The following DDX46 variants were observed in gnomAD, a reference collection of about 807,000 sequenced individuals.
DDX46 encodes the protein probable ATP-dependent RNA helicase DDX46.
A neutral mutation model predicts 134.9 loss-of-function variants in DDX46; 30 were observed. That is an observed-to-expected ratio of 0.22 (90% confidence interval 0.17 to 0.30). The LOEUF is 0.30. Ranked by LOEUF, DDX46 falls within the 10% of genes least tolerant of loss-of-function variation. DDX46 has a pLI of 1.00. For synonymous variants in DDX46, 415 were observed against 404.1 expected (o/e 1.03, Z -0.32); for missense variants, 622 against 1,248.7 (o/e 0.50, Z 7.56).
chr5:134,809,357 G>A (rs1755075170), intron 16 of DDX46, among the ~76,000 whole-genome samples: 1 of 152,074 alleles, frequency 6.6e-6, no homozygotes, highest in Admixed American at 6.6e-5. Context: ...TGGCTATTTA[G>A]ATATTTCTGT....
intron 16 of DDX46, among the ~76,000 whole-genome samples, chr5:134,808,379 C>T (rs1185929115): frequency 3.3e-5 from 5 of 152,160 alleles, no homozygotes; most frequent in Admixed American, 2.6e-4. Context: ...CATCATCTAA[C>T]ACAAAGCCTA....
chr5:134,781,574 G>A lies in DDX46; in HGVS notation c.879+328G>A, dbSNP rs79542716. 5.0e-4 allele frequency among the ~76,000 whole-genome samples: 76 copies of A among 152,132 alleles called. No individual in the cohort carries two copies. In the East Asian group the frequency reaches 0.01, roughly 20 times the overall value. On this transcript the variant is annotated intron_variant, in intron 7 of 22. Transcript: ENST00000452510. ...AAAGATTTATATAGTAAAAACAGTA[G>A]CAAAGCCTTATTAGAGCTGTCTCTG...
chr5:134,788,917 A>T lies in DDX46; in HGVS notation c.1543+326A>T, dbSNP rs779284244. On this transcript the variant is annotated intron_variant, in intron 12 of 22. Transcript: ENST00000452510. ...ATTAATGATATTTTTGCAATTTAAA[A>T]TTTTTTTTCAGAAGTAACTCCATCT... Among the ~76,000 whole-genome samples the T allele has an allele frequency of 8.2e-4, 125 of 152,056 alleles. 1 individual carries two copies. The highest frequency in any genetic ancestry group is 1.5e-3 in the Non-Finnish European group (104 of 67,994).
chr5:134,783,171 C>T (rs927780614), intron 9 of DDX46, 106 bp downstream of exon 9: 13 of 1,425,740 alleles, frequency 9.1e-6, no homozygotes, highest in Admixed American at 4.6e-5. Flanking sequence ...AAAACCCTTA[C>T]GTTTTAAAAA....
chr5:134,761,795 T>C (rs1020882341), intron 1 of DDX46, among the ~76,000 whole-genome samples: 2 of 152,196 alleles, frequency 1.3e-5, no homozygotes, highest in African/African-American at 4.8e-5. Context: ...TATCCAGATT[T>C]TGATATTTCT....
chr5:134,784,738 C>A, intron 10 of DDX46, 197 bp downstream of exon 10: 1 of 407,760 alleles, frequency 2.5e-6, no homozygotes, highest in Non-Finnish European at 4.1e-6. Context: ...GGAGTGACAT[C>A]TCAGAAGTAC....
intron 12 of DDX46, 73 bp downstream of exon 12, chr5:134,788,664 GA>G: frequency 7.6e-7 from 1 of 1,323,080 alleles, no homozygotes. Flanking sequence ...ACAGATGCAA[GA>G]AACCAACAAA....
At chr5:134,769,135 A>G (rs1263534876) in intron 3 of DDX46, among the ~76,000 whole-genome samples, 2 of 152,260 alleles carry the variant, frequency 1.3e-5, no homozygotes, top group African/African-American at 4.8e-5. Context: ...GTTATTACAT[A>G]TATAAATTAT....
At chr5:134,762,939 GTCCT>G (rs1389804290) in intron 1 of DDX46, among the ~76,000 whole-genome samples, 2 of 151,492 alleles carry the variant, frequency 1.3e-5, no homozygotes, top group African/African-American at 4.9e-5. Context: ...GACGCCTATA[GTCCT>G]AGCTACTCGG....
chr5:134,785,936 C>T (rs1475864925), intron 11 of DDX46, among the ~76,000 whole-genome samples: 1 of 151,818 alleles, frequency 6.6e-6, no homozygotes, highest in African/African-American at 2.4e-5. Flanking sequence ...GCAACCTCTG[C>T]CTCCCTGGTT....
chr5:134,784,495 A>G lies in DDX46; in HGVS notation c.1296A>G (p.Arg432=). ...TTGCTTTTCTGTTGCCCATGTTTAG[A>G]CACATCATGGATCAGAGGTCATTAG... ...KTIAFLLPMF[R]HIMDQRSLEE... is the part of the protein sequence containing the mutation. The change falls in exon 10 of 23, where the codon AGA becomes AGG. Residue 432 remains arginine, a synonymous_variant. Transcript: ENST00000452510. The G allele has an allele frequency of 6.2e-7, 1 of 1,614,070 alleles. No homozygotes were observed. The highest frequency in any genetic ancestry group is 8.5e-7 in the Non-Finnish European group (1 of 1,179,982).
At chr5:134,768,625 C>T (rs1003459315) in intron 3 of DDX46, among the ~76,000 whole-genome samples, 2 of 150,368 alleles carry the variant, frequency 1.3e-5, no homozygotes, top group Non-Finnish European at 2.9e-5. Context: ...CTTTAAAAAG[C>T]ACCAATTATA....
chr5:134,824,378 G>C (rs1260206374), intron 21 of DDX46, among the ~76,000 whole-genome samples: 1 of 152,138 alleles, frequency 6.6e-6, no homozygotes, highest in Non-Finnish European at 1.5e-5. Flanking sequence ...GGATCACAAG[G>C]TCAAGAGTTT....
rs141620987 is a variant in DDX46 at position 134,763,508 on chromosome 5, C to A, written c.18-396C>A. Among the ~76,000 whole-genome samples, 43 of 152,298 alleles carry A rather than the reference C, an allele frequency of 2.8e-4. No homozygotes were observed. The East Asian group carries it at 7.9e-3, about 28-fold the overall frequency. On this transcript the variant is annotated intron_variant, in intron 1 of 22. Transcript: ENST00000452510. The stretch of plus-strand genomic sequence containing the variant: ...ACTTGTGCCTTTTGCGTGGAAAATT[C>A]CCTGTATATCTACATGGCTCCTTTA...
intron 6 of DDX46, among the ~76,000 whole-genome samples, chr5:134,780,575 TAAATA>T (rs1309511796): frequency 6.9e-6 from 1 of 145,262 alleles, no homozygotes; most frequent in Non-Finnish European, 1.5e-5. Context: ...AATAAATAAA[TAAATA>T]AATAAATAAA....
intron 4 of DDX46, 50 bp from the exon 5 acceptor site, chr5:134,773,646 G>A (rs1213053227): frequency 6.6e-7 from 1 of 1,521,408 alleles, no homozygotes; most frequent in East Asian, 2.3e-5. Context: ...ATTAAATTTG[G>A]TTTTGCTTTT....
chr5:134,794,457 A>G (rs781289720), intron 13 of DDX46, among the ~76,000 whole-genome samples: 6 of 152,166 alleles, frequency 3.9e-5, no homozygotes, highest in South Asian at 2.1e-4. Context: ...TGTTCTGCCA[A>G]CTTCCCAGAA....
intron 15 of DDX46, among the ~76,000 whole-genome samples, 186 bp from the exon 16 acceptor site, chr5:134,807,562 G>A (rs1755027964): frequency 6.6e-6 from 1 of 152,188 alleles, no homozygotes; most frequent in Admixed American, 6.5e-5. Context: ...GACCAGAGTT[G>A]AAAGATTCAT....
chr5:134,766,958 G>A lies in DDX46; in HGVS notation c.248G>A (p.Arg83Lys). The change falls in exon 3 of 23, where the codon AGA becomes AAA. Residue 83 changes from arginine to lysine, a missense_variant. Transcript: ENST00000452510. ...SRERDRSRER[R>K]RSRSRDRRRS... Reference sequence around the variant, plus strand: ...GAGAGAGACAGAAGCCGAGAGCGAAGAAGATCTCGAAGTAGAGACAGGAGA... The same window carrying A: ...GAGAGAGACAGAAGCCGAGAGCGAAAAAGATCTCGAAGTAGAGACAGGAGA... The A allele has an allele frequency of 1.9e-6, 3 of 1,614,138 alleles. No homozygotes were observed. Among genetic ancestry groups the A allele is most frequent in the Non-Finnish European group, 2.5e-6 (3 of 1,180,016 alleles).
Sources: allele counts gnomAD v4.1 joint callset (sites outside exome capture counted in the v4.1 genomes callset), GRCh38; gene constraint gnomAD v4.1.1; transcripts MANE v1.5; gene names NCBI Gene and HGNC (gene_info 2026-07-23, HGNC 2026-07-21).